BBOX1: variants seen among roughly 807,000 people sequenced by gnomAD.
The protein encoded by BBOX1 is gamma-butyrobetaine hydroxylase 1.
Under a neutral mutation model 41.6 loss-of-function variants are expected in BBOX1, and 35 were observed. The ratio of observed to expected loss-of-function variants is 0.84; its 90% CI spans 0.64 to 1.11. The LOEUF is 1.11. Ranked by LOEUF, BBOX1 falls within the 50% of genes most tolerant of loss-of-function variation. The pLI is 0.00. For missense variants in BBOX1, 458 were observed against 460.6 expected, an observed-to-expected ratio of 0.99 and a Z score of 0.05; for synonymous variants, 163 against 154.7, an observed-to-expected ratio of 1.05 and a Z score of -0.40.
In BBOX1 at chr11:27,046,791, G is replaced by GC. The variant is rs1314544853; in HGVS notation, c.-39+5314dup. Among the ~76,000 whole-genome samples the GC allele has an allele frequency of 2.0e-5, 3 of 152,038 alleles. No homozygotes were observed. In the East Asian group the frequency reaches 5.8e-4, roughly 29 times the overall value. On this transcript the variant is annotated intron_variant, in intron 2 of 8. Transcript: ENST00000263182. ...TATCATCTAACTAAATTGCTATGGT[G>GC]CTTCAACTGAGCTCAATTCTAACAA...
intron 5 of BBOX1, among the ~76,000 whole-genome samples, chr11:27,103,286 T>C (rs971406949): frequency 6.6e-6 from 1 of 152,190 alleles, no homozygotes; most frequent in African/African-American, 2.4e-5. Flanking sequence ...TTGATTGTTC[T>C]GGGACAGATT....
chr11:27,055,262 T>C (rs2133960089), intron 2 of BBOX1, 131 bp from the exon 3 acceptor site: 1 of 589,028 alleles, frequency 1.7e-6, no homozygotes, highest in East Asian at 2.8e-5. Flanking sequence ...CCAGCGTCAA[T>C]AAGTCAAACC....
In BBOX1 at chr11:27,082,117, C is replaced by T. The variant is rs114760815; in HGVS notation, c.335-11051C>T. 4.1e-3 allele frequency among the ~76,000 whole-genome samples: 627 copies of T among 152,208 alleles called. 5 individuals are homozygous for T. The highest frequency in any genetic ancestry group is 0.015 in the African/African-American group (609 of 41,550). On this transcript the variant is annotated intron_variant, in intron 4 of 8. Transcript: ENST00000263182. ...TGAGGACAGCACCAAGTGGATGGTG[C>T]TAAACCATTTATGAGAAATTCACCC... is the stretch of plus-strand genomic sequence containing the variant.
chr11:27,049,206 AG>A (rs1851592245), intron 2 of BBOX1, among the ~76,000 whole-genome samples: 1 of 151,844 alleles, frequency 6.6e-6, no homozygotes, highest in Admixed American at 6.6e-5. Flanking sequence ...ACGGTGTACA[AG>A]GGTTTTCTTT....
At position 27,059,420 on chromosome 11, in the gene BBOX1, G is replaced by A. The variant is rs144004203; in HGVS notation, c.334+2105G>A. Among the ~76,000 whole-genome samples the A allele has an allele frequency of 2.1e-4, 32 of 152,344 alleles. 1 individual carries two copies. The East Asian group carries it at 5.4e-3, about 26-fold the overall frequency. ...AGCCTGGGTGCCCAAGCAGAAGCCT[G>A]CTGCAGGGGCAGAGCCCTCACAAAG... is the stretch of plus-strand genomic sequence containing the variant. On this transcript the variant is annotated intron_variant, in intron 4 of 8. Coordinates refer to ENST00000263182, the MANE Select transcript of BBOX1 (RefSeq NM_003986.3).
intron 4 of BBOX1, among the ~76,000 whole-genome samples, chr11:27,069,756 T>G (rs1857387888): frequency 6.6e-6 from 1 of 152,138 alleles, no homozygotes; most frequent in Non-Finnish European, 1.5e-5. Context: ...TGATGTTGGC[T>G]GATGGTTTGT....
At chr11:27,104,492 T>A (rs935722601) in intron 5 of BBOX1, among the ~76,000 whole-genome samples, 1 of 152,178 alleles carries the variant, frequency 6.6e-6, no homozygotes, top group South Asian at 2.1e-4. Flanking sequence ...TTCAGAGAGA[T>A]TCTTTTAAAT....
chr11:27,092,874 G>A (rs1188913584), intron 4 of BBOX1, among the ~76,000 whole-genome samples: 1 of 151,904 alleles, frequency 6.6e-6, no homozygotes, highest in African/African-American at 2.4e-5. Context: ...GAAGCCCTAA[G>A]AACATACAGA....
intron 3 of BBOX1, 50 bp downstream of exon 3, chr11:27,055,699 G>T (rs769557990): frequency 4.9e-5 from 75 of 1,515,700 alleles, no homozygotes; most frequent in Middle Eastern, 3.5e-4. Flanking sequence ...TCAATAATGG[G>T]GCTAGTCAAC....
intron 4 of BBOX1, among the ~76,000 whole-genome samples, chr11:27,084,307 C>T (rs964964747): frequency 1.3e-4 from 20 of 152,268 alleles, no homozygotes; most frequent in African/African-American, 4.8e-4. Flanking sequence ...TCCCCATCTT[C>T]TATGAGTGTT....
At chr11:27,101,781 T>G (rs1858670502) in intron 5 of BBOX1, among the ~76,000 whole-genome samples, 2 of 152,178 alleles carry the variant, frequency 1.3e-5, no homozygotes, top group African/African-American at 4.8e-5. Context: ...CATGACATTT[T>G]GATTGCCACA....
chr11:27,124,752 C>T (rs1859588524), intron 7 of BBOX1, among the ~76,000 whole-genome samples: 1 of 152,146 alleles, frequency 6.6e-6, no homozygotes, highest in East Asian at 1.9e-4. Flanking sequence ...GAGCTCCTGA[C>T]CTCAACTGCC....
In BBOX1 at chr11:27,127,293, G is replaced by A; in HGVS notation, c.1004G>A (p.Gly335Asp). The A allele has an allele frequency of 6.2e-7, 1 of 1,613,172 alleles. No homozygotes were observed. The highest frequency in any genetic ancestry group is 8.5e-7 in the Non-Finnish European group (1 of 1,179,794). ...ATATTGGAAAAAATCTTTTCTTTAG[G>A]TGATGTGATTACTTTTGATAACTGG... ...ESKFTFKMNP[G>D]DVITFDNWRL... Residue 335 changes from glycine to aspartate, a missense_variant and splice_region_variant, in exon 9 of 9, where the codon GGT becomes GAT. By Grantham distance (94) the Gly-to-Asp change is moderately conservative (BLOSUM62 -1). Transcript: ENST00000263182.
In BBOX1 at chr11:27,072,315, T is replaced by C. The variant is rs903686506; in HGVS notation, c.334+15000T>C. ...GAGCCAAATCATGAGTGAACTCCCA[T>C]TCACAATTGCTTCAAAGAGAATAAA... On this transcript the variant is annotated intron_variant, in intron 4 of 8. Transcript: ENST00000263182. 7.1e-4 allele frequency among the ~76,000 whole-genome samples: 108 copies of C among 152,108 alleles called. 1 individual carries two copies. The highest frequency in any genetic ancestry group is 2.4e-3 in the African/African-American group (100 of 41,408).
chr11:27,100,873 TACAACC>T (rs1053831465), intron 5 of BBOX1, among the ~76,000 whole-genome samples: 1 of 151,854 alleles, frequency 6.6e-6, no homozygotes, highest in African/African-American at 2.4e-5. Context: ...CACACACACA[TACAACC>T]TTCCTTCCTT....
At chr11:27,049,805 G>A (rs1159228997) in intron 2 of BBOX1, among the ~76,000 whole-genome samples, 1 of 151,922 alleles carries the variant, frequency 6.6e-6, no homozygotes, top group East Asian at 1.9e-4. Context: ...CATTTTTTAG[G>A]CTGTCTCCTC....
At chr11:27,118,528 A>T (rs571372873) in intron 6 of BBOX1, among the ~76,000 whole-genome samples, 1 of 152,136 alleles carries the variant, frequency 6.6e-6, no homozygotes, top group African/African-American at 2.4e-5. Flanking sequence ...TGAAACAGAG[A>T]TGTTGCTTCA....
At chr11:27,062,477 T>G (rs146436950) in intron 4 of BBOX1, among the ~76,000 whole-genome samples, 1 of 152,332 alleles carries the variant, frequency 6.6e-6, no homozygotes, top group African/African-American at 2.4e-5. Context: ...TATTTTACAT[T>G]TTCCGAGTTG....
chr11:27,053,550 G>A (rs1856879666), intron 2 of BBOX1, among the ~76,000 whole-genome samples: 1 of 152,188 alleles, frequency 6.6e-6, no homozygotes, highest in South Asian at 2.1e-4. Flanking sequence ...CGGTTAAAAT[G>A]TACTACATTT....
Sources: allele counts gnomAD v4.1 joint callset (sites outside exome capture counted in the v4.1 genomes callset), GRCh38; gene constraint gnomAD v4.1.1; transcripts MANE v1.5; gene names NCBI Gene and HGNC (gene_info 2026-07-23, HGNC 2026-07-21).